PSG9: variants seen among roughly 807,000 people sequenced by gnomAD.
PSG9 encodes the protein pregnancy-specific beta-1-glycoprotein 9.
In PSG9, 49 loss-of-function variants were observed where a neutral mutation model predicts 41.9. That is an observed-to-expected ratio of 1.17 (90% CI 0.93 to 1.48). The LOEUF (loss-of-function observed/expected upper bound fraction) is 1.48, where lower values mean the gene tolerates loss of function less well. PSG9 is among the 40% of genes most tolerant of loss of function. The pLI is 0.00. For synonymous variants in PSG9, 263 were observed against 196.8 expected, an observed-to-expected ratio of 1.34 and a Z score of -2.82; for missense variants, 641 against 520.3, an observed-to-expected ratio of 1.23 and a Z score of -2.26.
At chr19:43,268,756 A>G (rs764026119) in intron 1 of PSG9, among the ~76,000 whole-genome samples, 3 of 151,710 alleles carry the variant, frequency 2.0e-5, no homozygotes, top group Admixed American at 1.3e-4. Flanking sequence ...TTTTCCCCCA[A>G]TTGTTGAGGT....
chr19:43,264,345 A>ACTTTC (rs1019595752), intron 2 of PSG9, among the ~76,000 whole-genome samples: 13 of 152,118 alleles, frequency 8.5e-5, no homozygotes, highest in Admixed American at 1.3e-4. Flanking sequence ...CTTTTTTTGA[A>ACTTTC]CTTTCCTTTT....
rs1408759256 is a variant in PSG9, at chr19:43,258,545, G to A, written c.989-89C>T. On this transcript the variant is annotated intron_variant, in intron 4 of 5. Transcript: ENST00000270077. ...TTAAAGGGACACAGTGACCCTCTGA[G>A]CCAAGACACACCCTCAAGTCCCAGC... The A allele has an allele frequency of 1.5e-5, 23 of 1,488,920 alleles. 2 individuals carry two copies. Among genetic ancestry groups the A allele is most frequent in the South Asian group, 6.9e-5 (5 of 72,188 alleles). The allele number at this position is 1,488,920 out of a possible 1,614,324, so 92.2% of individuals were successfully genotyped here.
intron 5 of PSG9, chr19:43,257,994 C>G (rs1568410961): frequency 6.7e-7 from 1 of 1,489,678 alleles, no homozygotes; most frequent in Non-Finnish European, 8.9e-7. Context: ...CTTTTTCAGG[C>G]CAGACACAAG....
intron 2 of PSG9, among the ~76,000 whole-genome samples, chr19:43,263,339 T>A (rs192401055): frequency 6.6e-6 from 1 of 152,148 alleles, no homozygotes; most frequent in African/African-American, 2.4e-5. Context: ...TGTTTTGGAT[T>A]TCTAATTTTT....
Position 43,253,624 on chromosome 19 carries a change from T to C in PSG9, c.1266A>G (p.Thr422=), listed in dbSNP as rs149432259. Residue 422 remains threonine (T), a synonymous_variant, in exon 6 of 6, where the codon ACA becomes ACG. Coordinates refer to ENST00000270077, the MANE Select transcript of PSG9 (RefSeq NM_002784.5). The part of the protein sequence containing the change: ...KVSGPCHGDL[T]ESQS ...GTTGTTGCAGTCATGACTGAGACTC[T>C]GTCAGGTCTCCATGGCAGGGACCTG... is the stretch of plus-strand genomic sequence containing the variant. 5 of 962,460 alleles carry C rather than the reference T, an allele frequency of 5.2e-6. No homozygotes were observed. In the African/African-American group the frequency reaches 8.7e-5, roughly 17 times the overall value. 59.6% of individuals were successfully genotyped at this position (962,460 alleles called of 1,614,324 possible). A position where few individuals can be genotyped will look rare whatever the true frequency, so the allele number is the denominator to read the frequency against.
intron 5 of PSG9, 126 bp downstream of exon 5, chr19:43,258,076 G>A (rs763668190): frequency 6.3e-7 from 1 of 1,588,492 alleles, no homozygotes; most frequent in Non-Finnish European, 8.5e-7. Flanking sequence ...TTCAGGAGGA[G>A]AATTTGGGAT....
rs1043257946 is a variant in PSG9, at chr19:43,259,050, C to G, written c.795G>C (p.Lys265Asn). The G allele has an allele frequency of 6.3e-7, 1 of 1,590,468 alleles. No individual in the cohort carries two copies. Among genetic ancestry groups the G allele is most frequent in the Non-Finnish European group, 8.5e-7 (1 of 1,174,396 alleles). ...KDVLAFTCEP[K>N]SENYTYIWWL... is the part of the protein sequence containing the mutation. ...ACCAAATGTAGGTGTAGTTCTCACT[C>G]TTAGGTTCACAGGTGAAGGCTAAGA... is the stretch of plus-strand genomic sequence containing the variant. Residue 265 changes from lysine (K) to asparagine (N), a missense_variant, in exon 4 of 6, where the codon AAG becomes AAC. Lys to Asn is a moderately conservative substitution (Grantham distance 94). Transcript: ENST00000270077.
intron 5 of PSG9, among the ~76,000 whole-genome samples, chr19:43,254,809 T>C (rs10404494): frequency 0.42 from 59,937 of 142,240 alleles, 16,670 homozygotes; most frequent in East Asian, 0.86. Context: ...GAAAATGGAC[T>C]CTGAGCATGG....
chr19:43,258,542 T>C, intron 4 of PSG9, 86 bp from the exon 5 acceptor site: 1 of 1,494,746 alleles, frequency 6.7e-7, no homozygotes. Context: ...AGTGACCCTC[T>C]GAGCCAAGAC....
In PSG9 at chr19:43,262,088, C is replaced by T; in HGVS notation, c.481G>A (p.Ala161Thr). ...ISSSNLNPRE[A>T]MEAVRLICDP... Reference sequence around the variant, plus strand: ...CAGATTAAGCGCACAGCCTCCATGGCCTCCCTGGGGTTTAAGTTGCTGCTG... The same window carrying T: ...CAGATTAAGCGCACAGCCTCCATGGTCTCCCTGGGGTTTAAGTTGCTGCTG... Residue 161 changes from alanine to threonine, a missense_variant, in exon 3 of 6, where the codon GCC becomes ACC. Transcript: ENST00000270077. 1 of 1,613,940 alleles carries T rather than the reference C, an allele frequency of 6.2e-7. No individual in the cohort carries two copies. The highest frequency in any genetic ancestry group is 8.5e-7 in the Non-Finnish European group (1 of 1,179,888).
Position 43,261,859 on chromosome 19 carries a change from C to A in PSG9, c.709+1G>T, listed in dbSNP as rs182343176. On this transcript the variant is annotated splice_donor_variant, in intron 3 of 5. Coordinates refer to ENST00000270077, the MANE Select transcript of PSG9 (RefSeq NM_002784.5). LOFTEE classifies it high-confidence loss of function. The stretch of plus-strand genomic sequence containing the variant: ...CTCACAGAGGAACAGAAGATACTCA[C>A]GGAGGAGATTCAGGGTGACTGGGTC... The A allele has an allele frequency of 1.9e-6, 3 of 1,614,026 alleles. No individual in the cohort carries two copies. The highest frequency in any genetic ancestry group is 3.3e-5 in the Admixed American group (2 of 60,020).
At chr19:43,268,267 C>T (rs1555732650) in intron 1 of PSG9, 118 bp from the exon 2 acceptor site, 1 of 1,381,084 alleles carries the variant, frequency 7.2e-7, no homozygotes, top group Non-Finnish European at 9.9e-7. Context: ...CACACACGCA[C>T]ACATACAAAC....
intron 2 of PSG9, among the ~76,000 whole-genome samples, chr19:43,265,293 C>G (rs1968915028): frequency 6.6e-6 from 1 of 152,118 alleles, no homozygotes; most frequent in Non-Finnish European, 1.5e-5. Flanking sequence ...CCTGACTGCT[C>G]CGATGTCATT....
chr19:43,266,446 G>T (rs147360212), intron 2 of PSG9, among the ~76,000 whole-genome samples: 2 of 151,920 alleles, frequency 1.3e-5, no homozygotes, highest in Non-Finnish European at 2.9e-5. Context: ...TGTGTCTCTC[G>T]CTGGGCCTGT....
intron 5 of PSG9, chr19:43,257,473 C>G: frequency 1.0e-6 from 1 of 976,846 alleles, no homozygotes; most frequent in Non-Finnish European, 1.2e-6. Context: ...GTCCTCCGTG[C>G]TGTGTCCCAC....
Position 43,258,153 on chromosome 19 carries a change from A to G in PSG9, c.1243+49T>C, listed in dbSNP as rs761350526. The stretch of plus-strand genomic sequence containing the variant: ...TTCCTGACTCTTCTCTGAAAGCCAG[A>G]TAGACTCCACATAAAACCCTACTGC... On this transcript the variant is annotated intron_variant, in intron 5 of 5. Coordinates refer to ENST00000270077, the MANE Select transcript of PSG9 (RefSeq NM_002784.5). 5 of 1,592,036 alleles carry G rather than the reference A, an allele frequency of 3.1e-6. 1 individual carries two copies. Among genetic ancestry groups the G allele is most frequent in the East Asian group, 5.3e-5 (2 of 37,538 alleles).
Position 43,253,290 on chromosome 19 carries a change from C to T in PSG9, c.*319G>A, listed in dbSNP as rs1278730928. 2.4e-5 allele frequency: 5 copies of T among 206,986 alleles called. No individual in the cohort carries two copies. The highest frequency in any genetic ancestry group is 5.8e-5 in the Admixed American group (1 of 17,256). The allele number at this position is 206,986 out of a possible 1,614,324, so 12.8% of individuals were successfully genotyped here. The stretch of plus-strand genomic sequence containing the variant: ...ATAAAGAGAGCAGATTCTTACGGAA[C>T]ATGTGCAAATAACTTTATTACCATA... On this transcript the variant is annotated 3_prime_UTR_variant, in exon 6 of 6. Transcript: ENST00000270077.
Position 43,268,220 on chromosome 19 carries a change from CCTGAGAAG to C in PSG9, c.65-79_65-72del, listed in dbSNP as rs1969075293. ...GTGGTGAAAAGATGGGGCCCTGGGT[CCTGAGAAG>C]GTCTCTTCCATCCTCAGCCTTGAAG... On this transcript the variant is annotated intron_variant, in intron 1 of 5. Coordinates refer to ENST00000270077, the MANE Select transcript of PSG9 (RefSeq NM_002784.5). The C allele has an allele frequency of 6.7e-6, 10 of 1,491,012 alleles. No homozygotes were observed. The Admixed American group carries it at 8.8e-5, about 13-fold the overall frequency. 92.4% of individuals were successfully genotyped at this position (1,491,012 alleles called of 1,614,324 possible).
At chr19:43,266,518 G>A (rs1968975244) in intron 2 of PSG9, among the ~76,000 whole-genome samples, 1 of 152,092 alleles carries the variant, frequency 6.6e-6, no homozygotes, top group Admixed American at 6.5e-5. Context: ...TCTCATGACA[G>A]TGACATGGAC....
Sources: allele counts gnomAD v4.1 joint callset (sites outside exome capture counted in the v4.1 genomes callset), GRCh38; gene constraint gnomAD v4.1.1; transcripts MANE v1.5; gene names NCBI Gene and HGNC (gene_info 2026-07-23, HGNC 2026-07-21).